Variants in XKR5 observed in about 807,000 individuals in gnomAD.
XKR5 encodes XK related 5, also known as XK-related protein 5.
A neutral mutation model predicts 40.8 loss-of-function variants in XKR5; 46 were observed. The observed-to-expected ratio is 1.13, with a 90% CI of 0.89 to 1.44. XKR5 has a LOEUF of 1.44. Among genes scored for constraint, XKR5 ranks in the 40% most tolerant of loss-of-function variants. XKR5 has a pLI of 0.00. For synonymous variants in XKR5, 466 were observed against 356.1 expected (o/e 1.31, Z -3.48); for missense variants, 1,169 against 844.7 (o/e 1.38, Z -4.76).
Position 6,825,186 on chromosome 8 carries a change from C to A in XKR5, c.406G>T (p.Asp136Tyr). 6.2e-7 allele frequency: 1 copy of A among 1,613,502 alleles called. No homozygotes were observed. Among genetic ancestry groups the A allele is most frequent in the South Asian group, 1.1e-5 (1 of 90,928 alleles). Reference sequence around the variant, plus strand: ...TCACCTGGCACAATATCTGTGAAGTCTGAGGCTAGAAAAACATATGTCTGA... The same window carrying A: ...TCACCTGGCACAATATCTGTGAAGTATGAGGCTAGAAAAACATATGTCTGA... ...LLQTYVFLAS[D>Y]FTDIVPGVST... The change falls in exon 3 of 7, where the codon GAC becomes TAC. Residue 136 changes from aspartate to tyrosine, a missense_variant. By Grantham distance (160) the Asp-to-Tyr change is radical. Coordinates refer to ENST00000618742, the MANE Select transcript of XKR5 (RefSeq NM_207411.5).
chr8:6,817,610 G>A (rs920969434), intron 5 of XKR5, among the ~76,000 whole-genome samples: 41 of 152,142 alleles, frequency 2.7e-4, no homozygotes, highest in African/African-American at 5.1e-4. Flanking sequence ...CTGAGAAAGC[G>A]CAGTGCTGCC....
intron 4 of XKR5, among the ~76,000 whole-genome samples, chr8:6,822,715 C>T (rs569620878): frequency 1.1e-4 from 17 of 152,334 alleles, no homozygotes; most frequent in African/African-American, 4.1e-4. Context: ...GACAGCTCTC[C>T]TCGGCAGGGA....
intron 5 of XKR5, among the ~76,000 whole-genome samples, chr8:6,816,538 T>A (rs1169744851): frequency 6.6e-6 from 1 of 152,014 alleles, no homozygotes; most frequent in Non-Finnish European, 1.5e-5. Context: ...TAACTTTGCT[T>A]TCCAATTTTT....
At chr8:6,828,451 G>C (rs1255973873) in intron 2 of XKR5, among the ~76,000 whole-genome samples, 4 of 152,210 alleles carry the variant, frequency 2.6e-5, no homozygotes, top group Admixed American at 2.6e-4. Context: ...AGAAACAGAG[G>C]ACCAGTGGGA....
rs1167940196 is a variant in XKR5, at chr8:6,816,674, A to T, written c.808-756T>A. On this transcript the variant is annotated intron_variant, in intron 5 of 6. Transcript: ENST00000618742. ...TAATTTATTTTTATTTAATTAAATA[A>T]TTATTTAATTTAATTAAAAATAATT... 5.0e-5 allele frequency among the ~76,000 whole-genome samples: 7 copies of T among 140,314 alleles called. No homozygotes were observed. In the South Asian group the frequency reaches 1.7e-3, roughly 34 times the overall value. The allele number at this position is 140,314 out of a possible 152,430, so 92.1% of individuals were successfully genotyped here.
At chr8:6,835,295 C>T in intron 1 of XKR5, 141 bp downstream of exon 1, 1 of 831,368 alleles carries the variant, frequency 1.2e-6, no homozygotes, top group South Asian at 2.7e-5. Context: ...GGGATGGCCA[C>T]CACCGTGCGT....
At chr8:6,815,996 C>G in intron 5 of XKR5, 78 bp from the exon 6 acceptor site, 4 of 1,065,016 alleles carry the variant, frequency 3.8e-6, no homozygotes, top group Non-Finnish European at 5.6e-6. Context: ...GAGTCTGCAG[C>G]GGCTCCCCCT....
At chr8:6,833,011 T>A in intron 1 of XKR5, 111 bp from the exon 2 acceptor site, 2 of 1,028,030 alleles carry the variant, frequency 1.9e-6, no homozygotes, top group Non-Finnish European at 2.7e-6. Flanking sequence ...TCTGACCTCT[T>A]AAAATCTTTC....
intron 2 of XKR5, among the ~76,000 whole-genome samples, 168 bp from the exon 3 acceptor site, chr8:6,825,517 C>T (rs548712837): frequency 9.2e-5 from 14 of 151,406 alleles, no homozygotes; most frequent in Non-Finnish European, 1.6e-4. Context: ...AAGCAGAAGA[C>T]GTCACTTCTA....
intron 5 of XKR5, among the ~76,000 whole-genome samples, chr8:6,819,089 A>AT (rs1294219995): frequency 6.6e-6 from 1 of 152,156 alleles, no homozygotes; most frequent in East Asian, 1.9e-4. Context: ...TCTTGAAGGG[A>AT]TGTGGGGGTG....
intron 2 of XKR5, among the ~76,000 whole-genome samples, chr8:6,828,878 C>T (rs1373662548): frequency 6.6e-6 from 1 of 152,206 alleles, no homozygotes; most frequent in South Asian, 2.1e-4. Flanking sequence ...CCATTTATCT[C>T]CTGCCACATT....
rs1351112220 is a variant in XKR5 at position 6,812,125 on chromosome 8, A to G, written c.1134T>C (p.Pro378=). The part of the protein sequence containing the change: ...SYEPTILGKP[P]TPEQVPPEAG... ...CCTCTGGGGGGACCTGCTCAGGGGT[A>G]GGGGGCTTCCCTAAAATGGTTGGTT... is the stretch of plus-strand genomic sequence containing the variant. The change falls in exon 7 of 7, where the codon CCT becomes CCC. Residue 378 remains proline, a synonymous_variant. Transcript: ENST00000618742. The G allele has an allele frequency of 6.5e-7, 1 of 1,548,878 alleles. No individual in the cohort carries two copies. Among genetic ancestry groups the G allele is most frequent in the African/African-American group, 1.4e-5 (1 of 73,064 alleles).
intron 6 of XKR5, among the ~76,000 whole-genome samples, chr8:6,814,963 C>T (rs1348791571): frequency 1.3e-5 from 2 of 152,236 alleles, no homozygotes; most frequent in Admixed American, 6.5e-5. Flanking sequence ...CACTTCCAGG[C>T]ACCTCTTCAG....
At chr8:6,824,885 T>A (rs986787114) in intron 3 of XKR5, among the ~76,000 whole-genome samples, 1 of 152,182 alleles carries the variant, frequency 6.6e-6, no homozygotes, top group African/African-American at 2.4e-5. Context: ...GGAGAGGCAG[T>A]CTTTCCAAGG....
chr8:6,831,699 A>T (rs1804771187), intron 2 of XKR5, among the ~76,000 whole-genome samples: 1 of 151,530 alleles, frequency 6.6e-6, no homozygotes, highest in South Asian at 2.1e-4. Context: ...CACCGCTCTG[A>T]TCCCTGAATT....
rs74946919 is a variant in XKR5 at position 6,810,131 on chromosome 8, G to C, written c.*1067C>G. 0.013 allele frequency: 1,903 copies of C among 152,054 alleles called. 51 individuals are homozygous for C. The highest frequency in any genetic ancestry group is 0.043 in the African/African-American group (1,789 of 41,480). 9.4% of individuals were successfully genotyped at this position (152,054 alleles called of 1,614,324 possible). On this transcript the variant is annotated 3_prime_UTR_variant, in exon 7 of 7. Coordinates refer to ENST00000618742, the MANE Select transcript of XKR5 (RefSeq NM_207411.5). ...GTCTCAACAAATAAACAAATGAAATGAAACAAAACAAAACAAAAATACCCA... is the reference window on the plus strand; with the variant it reads ...GTCTCAACAAATAAACAAATGAAATCAAACAAAACAAAACAAAAATACCCA...
intron 5 of XKR5, among the ~76,000 whole-genome samples, chr8:6,820,555 C>T (rs904025304): frequency 1.3e-5 from 2 of 151,096 alleles, no homozygotes; most frequent in African/African-American, 4.9e-5. Context: ...GAATAAGCCA[C>T]TTCAGCAAAT....
rs1261009134 is a variant in XKR5 at position 6,835,426 on chromosome 8, C to T, written c.58+10G>A. 1.4e-6 allele frequency: 2 copies of T among 1,476,652 alleles called. No homozygotes were observed. Among genetic ancestry groups the T allele is most frequent in the East Asian group, 2.8e-5 (1 of 35,092 alleles). 91.5% of individuals were successfully genotyped at this position (1,476,652 alleles called of 1,614,324 possible). A position where few individuals can be genotyped will look rare whatever the true frequency, so the allele number is the denominator to read the frequency against. ...CAGGGGTGAGCACAGCCTCGGGCTG[C>T]CGCACTCACGCGCGCTCTGCTCGGC... On this transcript the variant is annotated intron_variant, in intron 1 of 6. Coordinates refer to ENST00000618742, the MANE Select transcript of XKR5 (RefSeq NM_207411.5).
intron 1 of XKR5, among the ~76,000 whole-genome samples, chr8:6,834,810 C>A (rs970922294): frequency 6.6e-6 from 1 of 151,680 alleles, no homozygotes; most frequent in African/African-American, 2.4e-5. Flanking sequence ...CATCTTGCTC[C>A]GCCGCGGCTG....
Sources: gnomAD v4.1 joint callset for allele counts (sites outside exome capture counted in the v4.1 genomes callset) on GRCh38, gnomAD v4.1.1 for gene constraint, MANE v1.5 for transcripts, NCBI Gene and HGNC (gene_info 2026-07-23, HGNC 2026-07-21) for gene names.